CAST: variants seen among roughly 807,000 people sequenced by gnomAD.
The protein encoded by CAST is calpastatin.
CAST carries 76 observed loss-of-function variants against 119.6 expected under a neutral mutation model. That is an observed-to-expected ratio of 0.64 (90% confidence interval 0.53 to 0.77). The LOEUF (loss-of-function observed/expected upper bound fraction) is 0.77, where lower values mean the gene tolerates loss of function less well. CAST is among the 30% of genes least tolerant of loss of function. The pLI, the probability that CAST is intolerant of heterozygous loss-of-function variation, is 0.00. For missense variants in CAST, 953 were observed against 946.5 expected, an observed-to-expected ratio of 1.01 and a Z score of -0.09; for synonymous variants, 319 against 331.6, an observed-to-expected ratio of 0.96 and a Z score of 0.41.
the CAST span, chr5:96,248,122 G>A: frequency 6.6e-6 from 1 of 152,190 alleles, no homozygotes; most frequent in African/African-American, 2.4e-5. Flanking sequence ...CGAAAATGCT[G>A]GTTGTCACCA....
the CAST span, among the ~76,000 whole-genome samples, chr5:96,282,053 G>C: frequency 6.6e-5 from 10 of 151,766 alleles, no homozygotes; most frequent in Non-Finnish European, 1.2e-4. Context: ...TTCTGGGGTG[G>C]TTTGACCAGA....
At chr5:96,434,474 C>T in the CAST span, among the ~76,000 whole-genome samples, 1 of 152,242 alleles carries the variant, frequency 6.6e-6, no homozygotes, top group Admixed American at 6.5e-5. Flanking sequence ...AGGAAATTGG[C>T]CGCAGGGGGG....
chr5:96,403,150 G>C, the CAST span, among the ~76,000 whole-genome samples: 2 of 152,078 alleles, frequency 1.3e-5, no homozygotes, highest in South Asian at 4.2e-4. Flanking sequence ...TTCTGTAGTA[G>C]AGCATTTATT....
the CAST span, among the ~76,000 whole-genome samples, chr5:96,124,613 A>G: frequency 6.6e-6 from 1 of 151,912 alleles, no homozygotes; most frequent in Admixed American, 6.6e-5. Flanking sequence ...ACTTTGTTCC[A>G]TTTTCCTTTC....
At chr5:96,570,497 G>A (rs1022622534) in intron 1 of CAST, among the ~76,000 whole-genome samples, 12 of 152,068 alleles carry the variant, frequency 7.9e-5, no homozygotes, top group African/African-American at 2.7e-4. Flanking sequence ...GTGAAATTAA[G>A]GAGAGAGAGG....
At chr5:96,426,559 G>A in the CAST span, among the ~76,000 whole-genome samples, 2 of 152,116 alleles carry the variant, frequency 1.3e-5, no homozygotes, top group Non-Finnish European at 2.9e-5. Context: ...CATGTATTAT[G>A]CAAAGAGATC....
At chr5:96,317,492 A>G in the CAST span, among the ~76,000 whole-genome samples, 1 of 151,114 alleles carries the variant, frequency 6.6e-6, no homozygotes, top group East Asian at 1.9e-4. Flanking sequence ...AAAAAAAAAA[A>G]AAAAAAAAAG....
the CAST span, among the ~76,000 whole-genome samples, chr5:96,418,182 A>G: frequency 6.6e-6 from 1 of 152,224 alleles, no homozygotes; most frequent in Non-Finnish European, 1.5e-5. Context: ...TCTTATCCTC[A>G]GGTTCCACCT....
the CAST span, among the ~76,000 whole-genome samples, chr5:96,252,738 A>G: frequency 6.6e-6 from 1 of 152,174 alleles, no homozygotes; most frequent in Non-Finnish European, 1.5e-5. Context: ...AACCTCTTTC[A>G]GTAATGATAA....
At chr5:96,279,041 C>T in the CAST span, among the ~76,000 whole-genome samples, 2 of 152,176 alleles carry the variant, frequency 1.3e-5, no homozygotes, top group South Asian at 2.1e-4. Flanking sequence ...ATTTTCTTGT[C>T]AGCATTCTAT....
chr5:96,498,340 T>C, the CAST span, among the ~76,000 whole-genome samples: 1 of 152,208 alleles, frequency 6.6e-6, no homozygotes, highest in South Asian at 2.1e-4. Context: ...GACTTGGCAA[T>C]GTGGGCTCTT....
chr5:96,719,138 G>C (rs766621840), intron 3 of CAST, among the ~76,000 whole-genome samples: 1 of 152,090 alleles, frequency 6.6e-6, no homozygotes, highest in Non-Finnish European at 1.5e-5. Context: ...CGCATCCTAG[G>C]AGCCCCCTTC....
chr5:96,497,310 G>T, the CAST span, among the ~76,000 whole-genome samples: 1 of 151,990 alleles, frequency 6.6e-6, no homozygotes, highest in African/African-American at 2.4e-5. Context: ...GAATAGTGCC[G>T]CAATAAACAT....
intron 9 of CAST, among the ~76,000 whole-genome samples, chr5:96,734,930 G>A (rs574720390): frequency 6.6e-6 from 1 of 152,238 alleles, no homozygotes; most frequent in South Asian, 2.1e-4. Flanking sequence ...GAGAGGAAGA[G>A]AAAGAGTGGA....
chr5:96,409,015 G>T, the CAST span, among the ~76,000 whole-genome samples: 1 of 152,148 alleles, frequency 6.6e-6, no homozygotes, highest in Non-Finnish European at 1.5e-5. Flanking sequence ...TGTAAAATGC[G>T]ATTTATATTT....
chr5:96,097,183 T>C, the CAST span, among the ~76,000 whole-genome samples: 1 of 152,192 alleles, frequency 6.6e-6, no homozygotes, highest in East Asian at 1.9e-4. Context: ...TGAGCTTTCA[T>C]AGTTTGCTCA....
At chr5:96,320,834 A>C in the CAST span, among the ~76,000 whole-genome samples, 1 of 152,164 alleles carries the variant, frequency 6.6e-6, no homozygotes, top group Non-Finnish European at 1.5e-5. Flanking sequence ...AGGGGGATGC[A>C]GTTGGGTGTC....
At chr5:96,210,996 C>T in the CAST span, among the ~76,000 whole-genome samples, 1 of 151,804 alleles carries the variant, frequency 6.6e-6, no homozygotes, top group South Asian at 2.1e-4. Flanking sequence ...GAAATAGAAT[C>T]CATTTTTGTA....
chr5:96,672,706 CAAAAAAAAA>C (rs11427288), intron 1 of CAST, among the ~76,000 whole-genome samples: 2 of 59,172 alleles, frequency 3.4e-5, no homozygotes, highest in African/African-American at 1.2e-4. Flanking sequence ...GACTCAGTCT[CAAAAAAAAA>C]AAAAAAAAAA....
Sources: gnomAD v4.1 joint callset for allele counts (sites outside exome capture counted in the v4.1 genomes callset) on GRCh38, gnomAD v4.1.1 for gene constraint, MANE v1.5 for transcripts, NCBI Gene and HGNC (gene_info 2026-07-23, HGNC 2026-07-21) for gene names.